The following DPP6 variants were observed in gnomAD, a reference collection of about 807,000 sequenced individuals.
DPP6 encodes the protein A-type potassium channel modulatory protein DPP6.
Under a neutral mutation model 122.6 loss-of-function variants are expected in DPP6, and 69 were observed. The observed-to-expected ratio is 0.56, with a 90% confidence interval of 0.46 to 0.69. DPP6 has a LOEUF of 0.69. Among genes scored for constraint, DPP6 ranks in the 30% least tolerant of loss-of-function variants. The pLI is 0.00. For synonymous variants in DPP6, 418 were observed against 433.1 expected (o/e 0.97, Z 0.43); for missense variants, 928 against 1,116.9 (o/e 0.83, Z 2.41).
chr7:154,654,344 G>A (rs4581001), intron 6 of DPP6, among the ~76,000 whole-genome samples: 17,124 of 148,002 alleles, frequency 0.12, 1,082 homozygotes, highest in East Asian at 0.16. Context: ...TTTAGAACAG[G>A]CCACCCCGAT....
chr7:154,505,528 G>T (rs192765209), intron 3 of DPP6, among the ~76,000 whole-genome samples: 25 of 152,168 alleles, frequency 1.6e-4, no homozygotes, highest in Non-Finnish European at 2.8e-4. Flanking sequence ...TGACAGCTTC[G>T]CAGAAGTTCC....
chr7:154,017,719 T>TAAAAAAAAAAAAAAAAAAAAA (rs1365239601), intron 1 of DPP6, among the ~76,000 whole-genome samples: 1 of 83,736 alleles, frequency 1.2e-5, no homozygotes, highest in African/African-American at 5.6e-5. Flanking sequence ...AAAAAAAAAA[T>TAAAAAAAAAAAAAAAAAAAAA]AAAAAAATAA....
At chr7:154,021,435 G>A (rs970321468) in intron 1 of DPP6, among the ~76,000 whole-genome samples, 3 of 152,146 alleles carry the variant, frequency 2.0e-5, no homozygotes, top group Non-Finnish European at 4.4e-5. Flanking sequence ...CCCAGGAGAA[G>A]AGGCCTTTGT....
rs200763099 is a variant in DPP6, at chr7:154,194,288, CA to C, written c.243+141226del. ...CTAGATGTCAGAAAGAAAATATAAC[CA>C]GGGGGTGAAATAGAAGGGAATTATC... On this transcript the variant is annotated intron_variant, in intron 1 of 25. Coordinates refer to ENST00000377770, the MANE Select transcript of DPP6 (RefSeq NM_130797.4). 9.9e-3 allele frequency among the ~76,000 whole-genome samples: 1,500 copies of C among 152,206 alleles called. 27 individuals are homozygous for C. Among genetic ancestry groups the C allele is most frequent in the African/African-American group, 0.035 (1,451 of 41,518 alleles).
chr7:154,587,287 A>C, intron 5 of DPP6: 1 of 302,124 alleles, frequency 3.3e-6, no homozygotes. Flanking sequence ...GGCTGCTCTC[A>C]TCCTGACTTG....
chr7:154,394,732 T>G (rs1274388107), intron 1 of DPP6, among the ~76,000 whole-genome samples: 1 of 152,210 alleles, frequency 6.6e-6, no homozygotes, highest in Non-Finnish European at 1.5e-5. Context: ...AGATCTTACA[T>G]TTAGGTCTTT....
chr7:154,283,129 G>A (rs546430750), intron 1 of DPP6, among the ~76,000 whole-genome samples: 10 of 152,226 alleles, frequency 6.6e-5, no homozygotes, highest in South Asian at 4.1e-4. Context: ...CTTATTACCC[G>A]TGGGCCCCAG....
At chr7:153,875,937 A>AC in the DPP6 span, among the ~76,000 whole-genome samples, 5 of 151,336 alleles carry the variant, frequency 3.3e-5, no homozygotes, top group East Asian at 7.7e-4. Flanking sequence ...AAAAAAAAAA[A>AC]AACCCTGAAA....
At chr7:154,335,129 T>C (rs1809291530) in intron 1 of DPP6, among the ~76,000 whole-genome samples, 1 of 152,142 alleles carries the variant, frequency 6.6e-6, no homozygotes, top group Non-Finnish European at 1.5e-5. Flanking sequence ...CACATGAAGA[T>C]GAAGGTGGTG....
At chr7:154,719,376 T>G in intron 7 of DPP6, among the ~76,000 whole-genome samples, 1 of 151,642 alleles carries the variant, frequency 6.6e-6, no homozygotes, top group Non-Finnish European at 1.5e-5. Flanking sequence ...ACAGAAGTAA[T>G]GTGGCCACGG....
chr7:154,142,088 A>C (rs1302507419), intron 1 of DPP6, among the ~76,000 whole-genome samples: 1 of 152,212 alleles, frequency 6.6e-6, no homozygotes, highest in Non-Finnish European at 1.5e-5. Flanking sequence ...CTTAGAATTG[A>C]AAGATATCGT....
At chr7:154,489,867 A>T (rs537305940) in intron 3 of DPP6, among the ~76,000 whole-genome samples, 1 of 150,048 alleles carries the variant, frequency 6.7e-6, no homozygotes, top group African/African-American at 2.5e-5. Flanking sequence ...AGCCAAATGC[A>T]GGAATTTCCC....
Position 154,887,736 on chromosome 7 carries a change from T to C in DPP6, c.2304+2T>C, listed in dbSNP as rs931703283. The C allele has an allele frequency of 1.2e-6, 2 of 1,613,504 alleles. No homozygotes were observed. The highest frequency in any genetic ancestry group is 1.7e-6 in the Non-Finnish European group (2 of 1,179,660). ...GGACTTGACAACAGAGCATACGAGG[T>C]GTGTATGGGCACAACTAGAGAATGT... On this transcript the variant is annotated splice_donor_variant, in intron 23 of 25. Coordinates refer to ENST00000377770, the MANE Select transcript of DPP6 (RefSeq NM_130797.4). LOFTEE classifies it high-confidence loss of function.
intron 7 of DPP6, among the ~76,000 whole-genome samples, chr7:154,712,841 C>G (rs1301124779): frequency 6.6e-6 from 1 of 152,154 alleles, no homozygotes; most frequent in African/African-American, 2.4e-5. Context: ...TGGCCCCTCC[C>G]AAATCTCATG....
At chr7:154,343,545 A>T (rs1810111849) in intron 1 of DPP6, among the ~76,000 whole-genome samples, 2 of 152,184 alleles carry the variant, frequency 1.3e-5, no homozygotes, top group African/African-American at 4.8e-5. Flanking sequence ...GGAAGAGTTG[A>T]TAAATATGGC....
intron 1 of DPP6, among the ~76,000 whole-genome samples, chr7:154,416,853 C>T (rs543173764): frequency 2.8e-5 from 2 of 70,538 alleles, no homozygotes; most frequent in Non-Finnish European, 7.5e-5. Flanking sequence ...CTAGATCCAG[C>T]TTCTAGGAGG....
Position 154,060,411 on chromosome 7 carries a change from G to C in DPP6, c.243+7348G>C, listed in dbSNP as rs1247085368. On this transcript the variant is annotated intron_variant, in intron 1 of 25. Coordinates refer to ENST00000377770, the MANE Select transcript of DPP6 (RefSeq NM_130797.4). ...GGCTCTTAGGACCCCCATCGCAGAGGGGGGAGGCACCCCCCGCGAGGCGGG... is the reference window on the plus strand; with the variant it reads ...GGCTCTTAGGACCCCCATCGCAGAGCGGGGAGGCACCCCCCGCGAGGCGGG... Among the ~76,000 whole-genome samples the C allele has an allele frequency of 4.0e-5, 5 of 126,086 alleles. 1 individual carries two copies. Among genetic ancestry groups the C allele is most frequent in the East Asian group, 2.2e-4 (1 of 4,558 alleles). The allele number at this position is 126,086 out of a possible 152,430, so 82.7% of individuals were successfully genotyped here.
At chr7:154,510,178 T>C (rs1016210421) in intron 3 of DPP6, among the ~76,000 whole-genome samples, 1 of 152,180 alleles carries the variant, frequency 6.6e-6, no homozygotes, top group African/African-American at 2.4e-5. Flanking sequence ...GATGAAAGAC[T>C]GTGCAACACT....
chr7:154,062,017 G>T (rs933843767), intron 1 of DPP6, among the ~76,000 whole-genome samples: 31 of 87,440 alleles, frequency 3.5e-4, no homozygotes, highest in East Asian at 2.3e-3. Flanking sequence ...CCATCGCAGG[G>T]GGGGGGAGGC....
Sources: gnomAD v4.1 joint callset for allele counts (sites outside exome capture counted in the v4.1 genomes callset) on GRCh38, gnomAD v4.1.1 for gene constraint, MANE v1.5 for transcripts, NCBI Gene and HGNC (gene_info 2026-07-23, HGNC 2026-07-21) for gene names.